The following SNTG1 variants were observed in gnomAD, a reference collection of about 807,000 sequenced individuals.
SNTG1 encodes gamma-1-syntrophin.
A neutral mutation model predicts 74.7 loss-of-function variants in SNTG1; 39 were observed. The observed-to-expected ratio is 0.52, with a 90% CI of 0.40 to 0.68. The LOEUF is 0.68. Ranked by LOEUF, SNTG1 falls within the 30% of genes least tolerant of loss-of-function variation. SNTG1 has a pLI of 0.00. For synonymous variants in SNTG1, 254 were observed against 217.1 expected (o/e 1.17, Z -1.49); for missense variants, 685 against 609.5 (o/e 1.12, Z -1.30).
At chr8:50,273,994 A>G (rs907606691) in intron 2 of SNTG1, among the ~76,000 whole-genome samples, 1 of 152,066 alleles carries the variant, frequency 6.6e-6, no homozygotes, top group Admixed American at 6.6e-5. Context: ...ATATTTATCT[A>G]ATTATTTCCT....
intron 7 of SNTG1, 41 bp downstream of exon 7, chr8:50,450,640 T>TC: frequency 2.5e-6 from 4 of 1,613,356 alleles, no homozygotes; most frequent in Non-Finnish European, 3.4e-6. Context: ...AAACATTAAC[T>TC]CAATTTACAA....
At chr8:50,299,602 T>A (rs2089552260) in intron 2 of SNTG1, among the ~76,000 whole-genome samples, 1 of 152,122 alleles carries the variant, frequency 6.6e-6, no homozygotes, top group Non-Finnish European at 1.5e-5. Context: ...AAGAAATTGA[T>A]CAAATTAATT....
chr8:50,353,342 C>T (rs763842892), intron 2 of SNTG1, among the ~76,000 whole-genome samples: 27 of 151,868 alleles, frequency 1.8e-4, no homozygotes, highest in Admixed American at 6.6e-4. Context: ...CAACATGGCG[C>T]ATGTATACAT....
chr8:50,218,291 T>C (rs907495586), intron 2 of SNTG1, among the ~76,000 whole-genome samples: 5 of 152,148 alleles, frequency 3.3e-5, no homozygotes, highest in African/African-American at 9.7e-5. Flanking sequence ...CACTGTGGGT[T>C]ACGCTTTGCT....
intron 8 of SNTG1, among the ~76,000 whole-genome samples, chr8:50,458,693 T>C (rs1018411041): frequency 7.2e-5 from 11 of 152,184 alleles, no homozygotes; most frequent in Non-Finnish European, 1.6e-4. Context: ...GATATTACTT[T>C]GCATTTTCCT....
At chr8:50,772,965 A>G (rs1427663844) in intron 18 of SNTG1, among the ~76,000 whole-genome samples, 1 of 152,086 alleles carries the variant, frequency 6.6e-6, no homozygotes. Flanking sequence ...ATGAGGTGAA[A>G]CAGCCTGAAA....
chr8:50,773,526 T>C (rs2095632492), intron 18 of SNTG1, among the ~76,000 whole-genome samples: 1 of 152,078 alleles, frequency 6.6e-6, no homozygotes, highest in African/African-American at 2.4e-5. Flanking sequence ...TACAGAAATA[T>C]TGGTCAAAAC....
At chr8:50,284,751 C>A (rs1477373049) in intron 2 of SNTG1, among the ~76,000 whole-genome samples, 1 of 151,926 alleles carries the variant, frequency 6.6e-6, no homozygotes, top group South Asian at 2.1e-4. Flanking sequence ...GTATTTATTA[C>A]CACTGAACTG....
intron 9 of SNTG1, among the ~76,000 whole-genome samples, chr8:50,525,824 T>A (rs2094215259): frequency 7.3e-6 from 1 of 136,282 alleles, no homozygotes; most frequent in Admixed American, 7.0e-5. Context: ...TTTGTGTTTT[T>A]AAAGATAATT....
intron 13 of SNTG1, among the ~76,000 whole-genome samples, chr8:50,637,285 T>A (rs10216995): frequency 0.22 from 34,179 of 152,000 alleles, 4,456 homozygotes; most frequent in African/African-American, 0.35. Context: ...AATCATGTCC[T>A]TTAAACTCAT....
At chr8:50,779,845 C>T (rs1001936119) in intron 18 of SNTG1, among the ~76,000 whole-genome samples, 2 of 151,940 alleles carry the variant, frequency 1.3e-5, no homozygotes, top group African/African-American at 4.8e-5. Context: ...GGGTTTGTCA[C>T]AGATAGCTCT....
chr8:49,920,931 G>A (rs1318194299), intron 1 of SNTG1, among the ~76,000 whole-genome samples: 1 of 152,088 alleles, frequency 6.6e-6, no homozygotes, highest in East Asian at 1.9e-4. Context: ...GTGTTTTTGT[G>A]TACTAGGTAA....
chr8:50,250,378 G>T (rs2086594240), intron 2 of SNTG1, among the ~76,000 whole-genome samples: 1 of 152,022 alleles, frequency 6.6e-6, no homozygotes, highest in Non-Finnish European at 1.5e-5. Context: ...CACAGAAAAA[G>T]AAAATAACCA....
chr8:50,048,469 C>T (rs1819289385), intron 1 of SNTG1, among the ~76,000 whole-genome samples: 1 of 152,172 alleles, frequency 6.6e-6, no homozygotes, highest in African/African-American at 2.4e-5. Context: ...TGTGCTCCTT[C>T]ACTTTAGTAT....
At chr8:50,215,392 G>T (rs2084733313) in intron 2 of SNTG1, among the ~76,000 whole-genome samples, 1 of 146,402 alleles carries the variant, frequency 6.8e-6, no homozygotes, top group African/African-American at 2.5e-5. Context: ...ATATATATGT[G>T]TATATATACT....
intron 1 of SNTG1, among the ~76,000 whole-genome samples, chr8:49,974,172 T>C (rs564452101): frequency 1.8e-4 from 27 of 152,308 alleles, no homozygotes; most frequent in African/African-American, 6.0e-4. Context: ...CACAACTCCA[T>C]TAGCAAAACA....
intron 15 of SNTG1, among the ~76,000 whole-genome samples, chr8:50,672,730 C>CT (rs1281168368): frequency 6.6e-6 from 1 of 152,092 alleles, no homozygotes; most frequent in Non-Finnish European, 1.5e-5. Flanking sequence ...GTTGCAATTG[C>CT]TTTTTGCATT....
intron 15 of SNTG1, among the ~76,000 whole-genome samples, chr8:50,675,997 T>A (rs182137615): frequency 1.3e-5 from 2 of 152,176 alleles, no homozygotes; most frequent in Admixed American, 1.3e-4. Flanking sequence ...TGCTGAGAGA[T>A]CCACTGTTAG....
At position 50,766,679 on chromosome 8, in the gene SNTG1, C is replaced by A. The variant is rs150832665; in HGVS notation, c.1395+14568C>A. Among the ~76,000 whole-genome samples the A allele has an allele frequency of 1.0e-2, 1,513 of 151,876 alleles. 16 individuals carry two copies. Among genetic ancestry groups the A allele is most frequent in the Non-Finnish European group, 0.012 (834 of 67,904 alleles). On this transcript the variant is annotated intron_variant, in intron 18 of 18. Transcript: ENST00000642720. ...AATATATTGAAGGCAAGAGAATATA[C>A]CTATTTATTAACAATTAATGCCAAA...
Sources: allele counts gnomAD v4.1 joint callset (sites outside exome capture counted in the v4.1 genomes callset), GRCh38; gene constraint gnomAD v4.1.1; transcripts MANE v1.5; gene names NCBI Gene and HGNC (gene_info 2026-07-23, HGNC 2026-07-21).